The following RPAP2 variants were observed in gnomAD, a reference collection of about 807,000 sequenced individuals.
The protein encoded by RPAP2 is putative RNA polymerase II subunit B1 CTD phosphatase RPAP2.
A neutral mutation model predicts 73.1 loss-of-function variants in RPAP2; 52 were observed. The observed-to-expected ratio is 0.71, with a 90% CI of 0.57 to 0.90. RPAP2 has a LOEUF of 0.90. Ranked by LOEUF, RPAP2 falls within the 40% of genes least tolerant of loss-of-function variation. The probability of loss-of-function intolerance (pLI) is 0.00; values close to 1 mark genes in which losing one functional copy is unlikely to be tolerated. For synonymous variants in RPAP2, 225 were observed against 242.1 expected (o/e 0.93, Z 0.65); for missense variants, 598 against 701.8 (o/e 0.85, Z 1.67).
intron 11 of RPAP2, among the ~76,000 whole-genome samples, chr1:92,357,594 T>G (rs1239699739): frequency 6.6e-6 from 1 of 152,196 alleles, no homozygotes; most frequent in Non-Finnish European, 1.5e-5. Context: ...TGCAGTGACA[T>G]GATCTTGGCT....
chr1:92,309,132 A>G (rs1651419326), intron 6 of RPAP2, among the ~76,000 whole-genome samples: 1 of 151,540 alleles, frequency 6.6e-6, no homozygotes, highest in Non-Finnish European at 1.5e-5. Flanking sequence ...TCACTACCTC[A>G]CTAAAAAAGA....
chr1:92,329,569 G>T (rs1002621622), intron 8 of RPAP2, among the ~76,000 whole-genome samples: 6 of 152,118 alleles, frequency 3.9e-5, no homozygotes, highest in African/African-American at 1.4e-4. Flanking sequence ...TGCCTTTTCT[G>T]GTATGTTTCT....
chr1:92,340,786 TG>T (rs1408069614), intron 10 of RPAP2, among the ~76,000 whole-genome samples: 2 of 152,222 alleles, frequency 1.3e-5, no homozygotes, highest in Non-Finnish European at 2.9e-5. Flanking sequence ...ATTACAAATC[TG>T]CTATCTAGAA....
chr1:92,393,877 G>C lies in RPAP2; in HGVS notation c.*6866G>C, dbSNP rs1011028197. 7 of 152,142 alleles carry C rather than the reference G, an allele frequency of 4.6e-5. No individual in the cohort carries two copies. Among genetic ancestry groups the C allele is most frequent in the Non-Finnish European group, 1.0e-4 (7 of 68,018 alleles). 9.4% of individuals were successfully genotyped at this position (152,142 alleles called of 1,614,324 possible). On this transcript the variant is annotated 3_prime_UTR_variant, in exon 13 of 13. Coordinates refer to ENST00000610020, the MANE Select transcript of RPAP2 (RefSeq NM_024813.3). Reference sequence around the variant, plus strand: ...ATTGGAACGCTTTTACACTGTTGGTGGGAGTGCAAATTAGTCCGACCATTG... The same window carrying C: ...ATTGGAACGCTTTTACACTGTTGGTCGGAGTGCAAATTAGTCCGACCATTG...
intron 11 of RPAP2, among the ~76,000 whole-genome samples, chr1:92,375,135 T>C (rs1199987575): frequency 6.6e-6 from 1 of 152,160 alleles, no homozygotes; most frequent in Non-Finnish European, 1.5e-5. Context: ...CATAATACTC[T>C]TGAATGAATC....
intron 12 of RPAP2, among the ~76,000 whole-genome samples, chr1:92,381,976 G>A (rs1302193992): frequency 6.9e-6 from 1 of 143,970 alleles, no homozygotes; most frequent in Non-Finnish European, 1.5e-5. Context: ...GTGTCCATGT[G>A]TTCTCTTTGT....
At chr1:92,320,015 A>G (rs1253041951) in intron 6 of RPAP2, among the ~76,000 whole-genome samples, 1 of 152,116 alleles carries the variant, frequency 6.6e-6, no homozygotes, top group Non-Finnish European at 1.5e-5. Context: ...AAAAAAAAGA[A>G]AAAGAAAAAG....
chr1:92,380,460 T>C (rs79703486), intron 11 of RPAP2, among the ~76,000 whole-genome samples: 1,907 of 152,260 alleles, frequency 0.013, 45 homozygotes, highest in African/African-American at 0.043. Context: ...TGAGCAGAAT[T>C]TTAGTAGTTT....
In RPAP2 at chr1:92,336,829, ATG is replaced by A. The variant is rs140568680; in HGVS notation, c.1619+405_1619+406del. Among the ~76,000 whole-genome samples, 1,517 of 152,248 alleles carry A rather than the reference ATG, an allele frequency of 1.0e-2. 25 individuals carry two copies. Among genetic ancestry groups the A allele is most frequent in the African/African-American group, 0.035 (1,454 of 41,560 alleles). On this transcript the variant is annotated intron_variant, in intron 10 of 12. Coordinates refer to ENST00000610020, the MANE Select transcript of RPAP2 (RefSeq NM_024813.3). ...GGAAGAACTCTCCTCTGTGAAGATCATGTGAGTACAGTAAACAGTACAAGACA... is the reference window on the plus strand; with the variant it reads ...GGAAGAACTCTCCTCTGTGAAGATCATGAGTACAGTAAACAGTACAAGACA...
rs1441806626 is a variant in RPAP2, at chr1:92,299,095, T to A, written c.22T>A (p.Ser8Thr). The A allele has an allele frequency of 1.3e-6, 2 of 1,519,366 alleles. No homozygotes were observed. The highest frequency in any genetic ancestry group is 2.5e-5 in the South Asian group (2 of 80,106). The allele number at this position is 1,519,366 out of a possible 1,614,324, so 94.1% of individuals were successfully genotyped here. The change falls in exon 1 of 13, where the codon TCT (serine) becomes ACT (threonine). Residue 8 changes from serine (S) to threonine (T), a missense_variant. Ser to Thr is a moderately conservative substitution (Grantham distance 58). This residue lies in a region of RPAP2 where 77 missense variants were observed against 55.7 expected (regional missense o/e 1.38). Transcript: ENST00000610020. MADFAGP[S>T]SAGRKAGAPR... Reference sequence around the variant, plus strand: ...CCCCATGGCGGACTTCGCTGGGCCGTCTTCTGCCGGCCGCAAGGCCGGGGC... The same window carrying A: ...CCCCATGGCGGACTTCGCTGGGCCGACTTCTGCCGGCCGCAAGGCCGGGGC...
chr1:92,326,697 C>T (rs1187262203), intron 8 of RPAP2, among the ~76,000 whole-genome samples: 1 of 152,170 alleles, frequency 6.6e-6, no homozygotes, highest in Non-Finnish European at 1.5e-5. Flanking sequence ...AAGATTATGG[C>T]TGCCTCTGCT....
chr1:92,314,306 G>GT (rs921561386), intron 6 of RPAP2, among the ~76,000 whole-genome samples: 22 of 148,662 alleles, frequency 1.5e-4, no homozygotes, highest in African/African-American at 5.4e-4. Context: ...CATTGTAAGG[G>GT]TTTTTTTGTT....
rs954780080 is a variant in RPAP2 at position 92,380,732 on chromosome 1, C to T, written c.1697C>T (p.Pro566Leu). 3 of 1,584,536 alleles carry T rather than the reference C, an allele frequency of 1.9e-6. No individual in the cohort carries two copies. Among genetic ancestry groups the T allele is most frequent in the Non-Finnish European group, 2.6e-6 (3 of 1,170,550 alleles). The stretch of plus-strand genomic sequence containing the variant: ...ATTTTTGGTTGTTTCAGACTGACCC[C>T]AATTCTTGGCATTCAGAAACATTCT... The part of the protein sequence containing the change: ...IAMVLLSLLT[P>L]ILGIQKHSQE... Residue 566 changes from proline to leucine, a missense_variant, in exon 12 of 13, where the codon CCA becomes CTA. Transcript: ENST00000610020.
At chr1:92,382,936 A>G (rs1423045620) in intron 12 of RPAP2, among the ~76,000 whole-genome samples, 1 of 152,044 alleles carries the variant, frequency 6.6e-6, no homozygotes, top group East Asian at 1.9e-4. Context: ...ATCTTGAATT[A>G]ATTTTTGTAT....
intron 11 of RPAP2, among the ~76,000 whole-genome samples, chr1:92,367,970 C>T (rs928761342): frequency 2.0e-5 from 3 of 152,290 alleles, no homozygotes; most frequent in Middle Eastern, 6.8e-3. Flanking sequence ...TGTGCTATAT[C>T]ATTTTAGGAA....
chr1:92,326,023 G>A (rs1032439176), intron 8 of RPAP2, among the ~76,000 whole-genome samples: 6 of 151,588 alleles, frequency 4.0e-5, no homozygotes, highest in East Asian at 1.9e-4. Context: ...GCTAATATGC[G>A]TATGTATTTC....
At position 92,395,026 on chromosome 1, in the gene RPAP2, T is replaced by C. The variant is rs553024613; in HGVS notation, c.*8015T>C. The C allele has an allele frequency of 6.6e-6, 1 of 152,298 alleles. No individual in the cohort carries two copies. The highest frequency in any genetic ancestry group is 1.9e-4 in the East Asian group (1 of 5,184). The allele number at this position is 152,298 out of a possible 1,614,324, so 9.4% of individuals were successfully genotyped here. On this transcript the variant is annotated 3_prime_UTR_variant, in exon 13 of 13. Coordinates refer to ENST00000610020, the MANE Select transcript of RPAP2 (RefSeq NM_024813.3). Reference sequence around the variant, plus strand: ...TTCACATTTATGATCAATTAAGTTTTGACAAAAATCCCAATGAAATTATGG... The same window carrying C: ...TTCACATTTATGATCAATTAAGTTTCGACAAAAATCCCAATGAAATTATGG...
intron 11 of RPAP2, among the ~76,000 whole-genome samples, chr1:92,377,516 CAAAAAAA>C (rs530908177): frequency 7.8e-5 from 6 of 76,588 alleles, no homozygotes; most frequent in Non-Finnish European, 1.2e-4. Flanking sequence ...AACTTTGTCT[CAAAAAAA>C]AAAAAAAAAA....
At chr1:92,373,943 TG>T in intron 11 of RPAP2, among the ~76,000 whole-genome samples, 1 of 151,878 alleles carries the variant, frequency 6.6e-6, no homozygotes, top group Non-Finnish European at 1.5e-5. Context: ...TAAAGCTGTA[TG>T]TAATAGTACA....
Sources: allele counts gnomAD v4.1 joint callset (sites outside exome capture counted in the v4.1 genomes callset), GRCh38; gene constraint gnomAD v4.1.1; regional missense constraint gnomAD v4.1.1; transcripts MANE v1.5; gene names NCBI Gene and HGNC (gene_info 2026-07-23, HGNC 2026-07-21).